TAS2R38: variants seen among roughly 807,000 people sequenced by gnomAD.
The protein encoded by TAS2R38 is taste 2 receptor member 38.
In TAS2R38, 11 loss-of-function variants were observed where a neutral mutation model predicts 16.4. The ratio of observed to expected loss-of-function variants is 0.67; its 90% CI spans 0.42 to 1.11. The LOEUF is 1.11. TAS2R38 is among the 50% of genes least tolerant of loss of function. The pLI is 0.00. For synonymous variants in TAS2R38, 149 were observed against 155.6 expected (o/e 0.96, Z 0.32); for missense variants, 364 against 395.8 (o/e 0.92, Z 0.68).
rs1487342205 is a variant in TAS2R38 at position 141,973,092 on chromosome 7, G to C, written c.598C>G (p.Leu200Val). The C allele has an allele frequency of 1.2e-6, 2 of 1,614,004 alleles. No individual in the cohort carries two copies. The highest frequency in any genetic ancestry group is 2.2e-5 in the East Asian group (1 of 44,874). ...AATAGGAAAGGAGGCACAGACCACAGATAGCAGAAGAGAAAGGAATAAAAT... is the reference window on the plus strand; with the variant it reads ...AATAGGAAAGGAGGCACAGACCACACATAGCAGAAGAGAAAGGAATAAAAT... ...NLFYSFLFCY[L>V]WSVPPFLLFL... is the part of the protein sequence containing the mutation. The change falls in exon 1 of 1, where the codon CTG (leucine) becomes GTG (valine). Residue 200 changes from leucine (L) to valine (V), a missense_variant. Leu to Val is a conservative substitution (Grantham distance 32). Transcript: ENST00000547270.
chr7:141,972,667 G>A lies in TAS2R38; in HGVS notation c.*21C>T. The A allele has an allele frequency of 6.3e-7, 1 of 1,575,874 alleles. No homozygotes were observed. Among genetic ancestry groups the A allele is most frequent in the Non-Finnish European group, 8.6e-7 (1 of 1,159,678 alleles). On this transcript the variant is annotated 3_prime_UTR_variant, in exon 1 of 1. Coordinates refer to ENST00000547270, the MANE Select transcript of TAS2R38 (RefSeq NM_176817.5). ...GAAGACTCACAGGCGTATTAATGAA[G>A]AGCTCATTTCATGTCCATTCTCAGC...
rs782736978 is a variant in TAS2R38, at chr7:141,972,716, T to G, written c.974A>C (p.His325Pro). 1.9e-6 allele frequency: 3 copies of G among 1,613,178 alleles called. No homozygotes were observed. In the South Asian group the frequency reaches 3.3e-5, roughly 18 times the overall value. ...GCACAGTGTCCGGGAATCTGCCTTG[T>G]GGTCGGCTCTTACCTTCAGGCTGCT... ...AQSSLKVRAD[H>P]KADSRTLC is the part of the protein sequence containing the mutation. Residue 325 changes from histidine to proline, a missense_variant, in exon 1 of 1, where the codon CAC becomes CCC. Transcript: ENST00000547270.
rs782736978 is a variant in TAS2R38, at chr7:141,972,716, T to C, written c.974A>G (p.His325Arg). The C allele has an allele frequency of 6.2e-7, 1 of 1,613,178 alleles. No homozygotes were observed. Among genetic ancestry groups the C allele is most frequent in the Non-Finnish European group, 8.5e-7 (1 of 1,179,412 alleles). ...AQSSLKVRAD[H>R]KADSRTLC ...GCACAGTGTCCGGGAATCTGCCTTGTGGTCGGCTCTTACCTTCAGGCTGCT... is the reference window on the plus strand; with the variant it reads ...GCACAGTGTCCGGGAATCTGCCTTGCGGTCGGCTCTTACCTTCAGGCTGCT... Residue 325 changes from histidine (H) to arginine (R), a missense_variant, in exon 1 of 1, where the codon CAC (histidine) becomes CGC (arginine). His to Arg is a conservative substitution (Grantham distance 29). Coordinates refer to ENST00000547270, the MANE Select transcript of TAS2R38 (RefSeq NM_176817.5).
At position 141,973,059 on chromosome 7, in the gene TAS2R38, C is replaced by A. The variant is rs375040527; in HGVS notation, c.631G>T (p.Val211Phe). 3.1e-6 allele frequency: 5 copies of A among 1,613,850 alleles called. No individual in the cohort carries two copies. In the African/African-American group the frequency reaches 6.7e-5, roughly 22 times the overall value. Reference protein sequence around the residue: ...WSVPPFLLFLVSSGMLTVSLG... With the variant: ...WSVPPFLLFLFSSGMLTVSLG... Reference sequence around the variant, plus strand: ...GAGACAGTCAGCATCCCAGAAGAAACCAGAAACAATAGGAAAGGAGGCACA... The same window carrying A: ...GAGACAGTCAGCATCCCAGAAGAAAACAGAAACAATAGGAAAGGAGGCACA... Residue 211 changes from valine to phenylalanine, a missense_variant, in exon 1 of 1, where the codon GTT becomes TTT. Physicochemically the swap from Val to Phe is conservative, Grantham distance 50 (BLOSUM62 -1). Transcript: ENST00000547270.
rs1554444404 is a variant in TAS2R38 at position 141,973,311 on chromosome 7, T to A, written c.379A>T (p.Thr127Ser). The A allele has an allele frequency of 5.0e-6, 8 of 1,613,360 alleles. No homozygotes were observed. Among genetic ancestry groups the A allele is most frequent in the Non-Finnish European group, 6.8e-6 (8 of 1,179,908 alleles). The change falls in exon 1 of 1, where the codon ACC (threonine) becomes TCC (serine). Residue 127 changes from threonine (T) to serine (S), a missense_variant. By Grantham distance (58) the Thr-to-Ser change is moderately conservative (BLOSUM62 1). Transcript: ENST00000547270. Reference sequence around the variant, plus strand: ...CAGCTTGCCAAGCAGATCAGGAAGGTGTGAGAGAAACGGATGAGCTTGGAG... The same window carrying A: ...CAGCTTGCCAAGCAGATCAGGAAGGAGTGAGAGAAACGGATGAGCTTGGAG... Reference protein sequence around the residue: ...YCSKLIRFSHTFLICLASWVS... With the variant: ...YCSKLIRFSHSFLICLASWVS...
chr7:141,972,806 GC>G lies in TAS2R38; in HGVS notation c.883del (p.Ala295ProfsTer3). On this transcript the variant is annotated frameshift_variant, in exon 1 of 1. Transcript: ENST00000547270. LOFTEE classifies it high-confidence loss of function. The stretch of plus-strand genomic sequence containing the variant: ...CTTGGCATTGCCTGAGATCAGGATG[GC>G]TGCATGCCCAGAGGGACAAGCTGCC... ...IMAACPSGHA[A>X]ILISGNAKLR... 1 of 1,614,064 alleles carries G rather than the reference GC, an allele frequency of 6.2e-7. No homozygotes were observed. The highest frequency in any genetic ancestry group is 8.5e-7 in the Non-Finnish European group (1 of 1,179,960).
chr7:141,973,660 C>CT lies in TAS2R38; in HGVS notation c.29_30insA (p.Ser11ValfsTer3), dbSNP rs1554444457. The CT allele has an allele frequency of 6.2e-7, 1 of 1,614,014 alleles. No individual in the cohort carries two copies. Among genetic ancestry groups the CT allele is most frequent in the Admixed American group, 1.7e-5 (1 of 60,018 alleles). ...GAAATGTACTCCTGACTTCATAGGA[C>CT]ACAGTGCGGATGCGAGTTAGAGTCA... On this transcript the variant is annotated frameshift_variant, in exon 1 of 1. Transcript: ENST00000547270. LOFTEE classifies it high-confidence loss of function.
Position 141,973,736 on chromosome 7 carries a change from C to A in TAS2R38, c.-47G>T, listed in dbSNP as rs1019811396. On this transcript the variant is annotated 5_prime_UTR_variant, in exon 1 of 1. Coordinates refer to ENST00000547270, the MANE Select transcript of TAS2R38 (RefSeq NM_176817.5). Reference sequence around the variant, plus strand: ...TATTCTACTTCTCTTCTCTAGTTGGCTAATCTAAAGACCTGGTTGCCACCC... The same window carrying A: ...TATTCTACTTCTCTTCTCTAGTTGGATAATCTAAAGACCTGGTTGCCACCC... 2.5e-6 allele frequency: 4 copies of A among 1,576,390 alleles called. No homozygotes were observed. Among genetic ancestry groups the A allele is most frequent in the Non-Finnish European group, 3.4e-6 (4 of 1,160,464 alleles).
At position 141,973,551 on chromosome 7, in the gene TAS2R38, T is replaced by G; in HGVS notation, c.139A>C (p.Arg47=). 6.2e-7 allele frequency: 1 copy of G among 1,614,102 alleles called. No homozygotes were observed. Among genetic ancestry groups the G allele is most frequent in the Non-Finnish European group, 8.5e-7 (1 of 1,180,012 alleles). Residue 47 remains arginine, a synonymous_variant, in exon 1 of 1, where the codon AGG becomes CGG. Transcript: ENST00000547270. ...CAATCACTGTTGCTCAGTGCCTGCCTCTTCACTACATCCCAAAAATTCACC... is the reference window on the plus strand; with the variant it reads ...CAATCACTGTTGCTCAGTGCCTGCCGCTTCACTACATCCCAAAAATTCACC... ...FLVNFWDVVK[R]QALSNSDCVL... is the part of the protein sequence containing the mutation.
At position 141,973,080 on chromosome 7, in the gene TAS2R38, G is replaced by A; in HGVS notation, c.610C>T (p.Pro204Ser). 1 of 1,614,072 alleles carries A rather than the reference G, an allele frequency of 6.2e-7. No homozygotes were observed. Among genetic ancestry groups the A allele is most frequent in the Non-Finnish European group, 8.5e-7 (1 of 1,180,034 alleles). ...SFLFCYLWSV[P>S]PFLLFLVSSG... ...GAAACCAGAAACAATAGGAAAGGAG[G>A]CACAGACCACAGATAGCAGAAGAGA... Residue 204 changes from proline (P) to serine (S), a missense_variant, in exon 1 of 1, where the codon CCT (proline) becomes TCT (serine). Coordinates refer to ENST00000547270, the MANE Select transcript of TAS2R38 (RefSeq NM_176817.5).
At position 141,973,104 on chromosome 7, in the gene TAS2R38, G is replaced by C. The variant is rs782536229; in HGVS notation, c.586C>G (p.Leu196Val). ...GGCACAGACCACAGATAGCAGAAGA[G>C]AAAGGAATAAAATAAATTGAGATCT... is the stretch of plus-strand genomic sequence containing the variant. ...IKDLNLFYSF[L>V]FCYLWSVPPF... The change falls in exon 1 of 1, where the codon CTC becomes GTC. Residue 196 changes from leucine (L) to valine (V), a missense_variant. Transcript: ENST00000547270. 6.2e-7 allele frequency: 1 copy of C among 1,614,078 alleles called. No homozygotes were observed. The highest frequency in any genetic ancestry group is 1.6e-4 in the Middle Eastern group (1 of 6,062).
At position 141,972,900 on chromosome 7, in the gene TAS2R38, A is replaced by C; in HGVS notation, c.790T>G (p.Phe264Val). 1.2e-6 allele frequency: 2 copies of C among 1,614,084 alleles called. No homozygotes were observed. Among genetic ancestry groups the C allele is most frequent in the Non-Finnish European group, 1.7e-6 (2 of 1,180,004 alleles). ...CFFVISSCAA[F>V]ISVPLLILWR... Reference sequence around the variant, plus strand: ...AGAATCAGTAGGGGCACAGAGATGAAGGCAGCACAGGATGATATCACAAAG... The same window carrying C: ...AGAATCAGTAGGGGCACAGAGATGACGGCAGCACAGGATGATATCACAAAG... Residue 264 changes from phenylalanine (F) to valine (V), a missense_variant, in exon 1 of 1, where the codon TTC (phenylalanine) becomes GTC (valine). Coordinates refer to ENST00000547270, the MANE Select transcript of TAS2R38 (RefSeq NM_176817.5).
rs782670249 is a variant in TAS2R38 at position 141,973,395 on chromosome 7, A to G, written c.295T>C (p.Trp99Arg). Reference protein sequence around the residue: ...NHSYQAIIMLWMIANQANLWL... With the variant: ...NHSYQAIIMLRMIANQANLWL... ...AGGTTGGCTTGGTTTGCAATCATCC[A>G]TAGCATGATGATGGCTTGGTAGCTG... The change falls in exon 1 of 1, where the codon TGG becomes CGG. Residue 99 changes from tryptophan (W) to arginine (R), a missense_variant. Transcript: ENST00000547270. The G allele has an allele frequency of 6.2e-7, 1 of 1,614,096 alleles. No individual in the cohort carries two copies. The highest frequency in any genetic ancestry group is 1.1e-5 in the South Asian group (1 of 91,082).
Position 141,972,735 on chromosome 7 carries a change from G to A in TAS2R38, c.955C>T (p.Leu319=). Residue 319 remains leucine, a synonymous_variant, in exon 1 of 1, where the codon CTG becomes TTG. Coordinates refer to ENST00000547270, the MANE Select transcript of TAS2R38 (RefSeq NM_176817.5). ...GCCTTGTGGTCGGCTCTTACCTTCA[G>A]GCTGCTCTGAGCCCAGAGCAGAATG... is the stretch of plus-strand genomic sequence containing the variant. The part of the protein sequence containing the change: ...MTILLWAQSS[L]KVRADHKADS... 1 of 1,613,958 alleles carries A rather than the reference G, an allele frequency of 6.2e-7. No individual in the cohort carries two copies. Among genetic ancestry groups the A allele is most frequent in the Non-Finnish European group, 8.5e-7 (1 of 1,179,924 alleles).
rs181117063 is a variant in TAS2R38, at chr7:141,973,369, G to C, written c.321C>G (p.Leu107=). Residue 107 remains leucine (L), a synonymous_variant, in exon 1 of 1, where the codon CTC becomes CTG. Transcript: ENST00000547270. Reference sequence around the variant, plus strand: ...GCAGGCTGAGGCAGGCAGCAAGCCAGAGGTTGGCTTGGTTTGCAATCATCC... The same window carrying C: ...GCAGGCTGAGGCAGGCAGCAAGCCACAGGTTGGCTTGGTTTGCAATCATCC... ...MLWMIANQAN[L]WLAACLSLLY... 1 of 1,614,092 alleles carries C rather than the reference G, an allele frequency of 6.2e-7. No homozygotes were observed. The highest frequency in any genetic ancestry group is 2.2e-5 in the East Asian group (1 of 44,852).
rs1803396701 is a variant in TAS2R38 at position 141,973,096 on chromosome 7, G to A, written c.594C>T (p.Cys198=). 5 of 1,613,948 alleles carry A rather than the reference G, an allele frequency of 3.1e-6. No homozygotes were observed. The highest frequency in any genetic ancestry group is 1.1e-5 in the South Asian group (1 of 91,068). The change falls in exon 1 of 1, where the codon TGC becomes TGT. Residue 198 remains cysteine (C), a synonymous_variant. Coordinates refer to ENST00000547270, the MANE Select transcript of TAS2R38 (RefSeq NM_176817.5). Reference sequence around the variant, plus strand: ...GGAAAGGAGGCACAGACCACAGATAGCAGAAGAGAAAGGAATAAAATAAAT... The same window carrying A: ...GGAAAGGAGGCACAGACCACAGATAACAGAAGAGAAAGGAATAAAATAAAT... ...DLNLFYSFLF[C]YLWSVPPFLL... is the part of the protein sequence containing the mutation.
rs1256456328 is a variant in TAS2R38, at chr7:141,972,725, C to T, written c.965G>A (p.Arg322Lys). 1.9e-6 allele frequency: 3 copies of T among 1,613,768 alleles called. No individual in the cohort carries two copies. Among genetic ancestry groups the T allele is most frequent in the East Asian group, 2.2e-5 (1 of 44,874 alleles). The stretch of plus-strand genomic sequence containing the variant: ...CCGGGAATCTGCCTTGTGGTCGGCT[C>T]TTACCTTCAGGCTGCTCTGAGCCCA... ...LLWAQSSLKV[R>K]ADHKADSRTL... Residue 322 changes from arginine (R) to lysine (K), a missense_variant, in exon 1 of 1, where the codon AGA (arginine) becomes AAA (lysine). Transcript: ENST00000547270.
rs782432120 is a variant in TAS2R38, at chr7:141,972,791, C to T, written c.899G>A (p.Gly300Asp). Residue 300 changes from glycine (G) to aspartate (D), a missense_variant, in exon 1 of 1, where the codon GGC (glycine) becomes GAC (aspartate). Gly to Asp is a moderately conservative substitution (Grantham distance 94, BLOSUM62 -1). Coordinates refer to ENST00000547270, the MANE Select transcript of TAS2R38 (RefSeq NM_176817.5). ...CACAGCTCTCCTCAACTTGGCATTG[C>T]CTGAGATCAGGATGGCTGCATGCCC... ...PSGHAAILISGNAKLRRAVMT... is the reference protein window; with the variant it reads ...PSGHAAILISDNAKLRRAVMT... 6.2e-7 allele frequency: 1 copy of T among 1,614,050 alleles called. No individual in the cohort carries two copies.
rs781887418 is a variant in TAS2R38 at position 141,972,866 on chromosome 7, T to A, written c.824A>T (p.Asp275Val). The A allele has an allele frequency of 6.2e-7, 1 of 1,614,060 alleles. No homozygotes were observed. The highest frequency in any genetic ancestry group is 8.5e-7 in the Non-Finnish European group (1 of 1,180,024). Residue 275 changes from aspartate (D) to valine (V), a missense_variant, in exon 1 of 1, where the codon GAC (aspartate) becomes GTC (valine). By Grantham distance (152) the Asp-to-Val change is radical. Transcript: ENST00000547270. ...AACACAAACCATCACCCCTATTTTG[T>A]CGCGCCACAGAATCAGTAGGGGCAC... is the stretch of plus-strand genomic sequence containing the variant. ...ISVPLLILWR[D>V]KIGVMVCVGI...
Sources: allele counts gnomAD v4.1 joint callset, GRCh38; gene constraint gnomAD v4.1.1; transcripts MANE v1.5; gene names NCBI Gene and HGNC (gene_info 2026-07-23, HGNC 2026-07-21).